Variants in PLXNB2 observed in about 807,000 individuals in gnomAD.
PLXNB2 encodes plexin-B2.
A neutral mutation model predicts 202.6 loss-of-function variants in PLXNB2; 85 were observed. The ratio of observed to expected loss-of-function variants is 0.42; its 90% CI spans 0.35 to 0.50. The LOEUF (loss-of-function observed/expected upper bound fraction) is 0.50, where lower values mean the gene tolerates loss of function less well. Among genes scored for constraint, PLXNB2 ranks in the 20% least tolerant of loss-of-function variants. The probability of loss-of-function intolerance (pLI) is 0.02; values close to 1 mark genes in which losing one functional copy is unlikely to be tolerated. For missense variants in PLXNB2, 2,063 were observed against 2,586.2 expected (o/e 0.80, Z 4.39); for synonymous variants, 1,239 against 1,137.6 (o/e 1.09, Z -1.79).
Position 50,279,989 on chromosome 22 carries a change from CT to C in PLXNB2, c.4242+15del, listed in dbSNP as rs769069772. On this transcript the variant is annotated intron_variant, in intron 26 of 36. Transcript: ENST00000359337. ...CCTCATCCCTCAAGCCCCAGCCAGG[CT>C]GGGGTGGAACCCACCTTGAGGTACT... 3.8e-6 allele frequency: 6 copies of C among 1,591,510 alleles called. No homozygotes were observed. The highest frequency in any genetic ancestry group is 5.1e-6 in the Non-Finnish European group (6 of 1,166,236).
chr22:50,289,626 T>C lies in PLXNB2; in HGVS notation c.959A>G (p.His320Arg). 1 of 1,610,170 alleles carries C rather than the reference T, an allele frequency of 6.2e-7. No homozygotes were observed. Among genetic ancestry groups the C allele is most frequent in the Middle Eastern group, 1.6e-4 (1 of 6,062 alleles). Residue 320 changes from histidine (H) to arginine (R), a missense_variant, in exon 3 of 37, where the codon CAC becomes CGC. Around this residue, in one of 2 missense-constraint regions of PLXNB2, gnomAD observed 1,303 missense variants for 1,476.8 expected, o/e 0.88. Transcript: ENST00000359337. The surrounding 1 kb of genome is among the most constrained non-coding windows in gnomAD (Gnocchi z 8.0). Reference protein sequence around the residue: ...GLCLFPLDKVHAKMEANRNAC... With the variant: ...GLCLFPLDKVRAKMEANRNAC... ...GTTGCGGTTGGCCTCCATCTTGGCG[T>C]GCACCTTGTCCAGCGGGAACAGGCA...
chr22:50,279,879 G>T, intron 26 of PLXNB2, 103 bp from the exon 27 acceptor site: 1 of 1,477,754 alleles, frequency 6.8e-7, no homozygotes, highest in Non-Finnish European at 9.3e-7. Context: ...ACCATGTCAG[G>T]GGCAGGAAGC....
In PLXNB2 at chr22:50,279,017, G is replaced by C; in HGVS notation, c.4390-6C>G. 4 of 1,599,288 alleles carry C rather than the reference G, an allele frequency of 2.5e-6. No homozygotes were observed. On this transcript the variant is annotated splice_region_variant and splice_polypyrimidine_tract_variant and intron_variant, in intron 27 of 36. Coordinates refer to ENST00000359337, the MANE Select transcript of PLXNB2 (RefSeq NM_012401.4). Reference sequence around the variant, plus strand: ...TGCACGATCACGCTCACCGTCTGCCGAGACATCCGGGATGAAGCCCAGTGG... The same window carrying C: ...TGCACGATCACGCTCACCGTCTGCCCAGACATCCGGGATGAAGCCCAGTGG...
At position 50,290,060 on chromosome 22, in the gene PLXNB2, C is replaced by T; in HGVS notation, c.525G>A (p.Gly175=). 6.2e-7 allele frequency: 1 copy of T among 1,613,400 alleles called. No homozygotes were observed. The highest frequency in any genetic ancestry group is 8.5e-7 in the Non-Finnish European group (1 of 1,180,030). Residue 175 remains glycine (G), a synonymous_variant, in exon 3 of 37, where the codon GGG becomes GGA. Coordinates refer to ENST00000359337, the MANE Select transcript of PLXNB2 (RefSeq NM_012401.4). ...TCACGATGATGCCGTTGTCGTGTGG[C>T]CCATTGCCTTTGCCCACAAACAGCA... The part of the protein sequence containing the change: ...DRVLFVGKGN[G]PHDNGIIVST...
intron 2 of PLXNB2, among the ~76,000 whole-genome samples, chr22:50,294,389 C>A (rs758161837): frequency 6.6e-6 from 1 of 152,088 alleles, no homozygotes; most frequent in African/African-American, 2.4e-5. Context: ...GGCACCCCCC[C>A]ACCACACCCC....
At chr22:50,287,892 G>A in intron 6 of PLXNB2, 45 bp downstream of exon 6, 1 of 1,583,670 alleles carries the variant, frequency 6.3e-7, no homozygotes, top group Non-Finnish European at 8.6e-7. Flanking sequence ...GACCTTCCGG[G>A]ATCCCAGAGG....
chr22:50,285,553 C>T (rs28655958), intron 11 of PLXNB2, among the ~76,000 whole-genome samples: 7 of 5,110 alleles, frequency 1.4e-3, no homozygotes, highest in Non-Finnish European at 3.2e-3. Flanking sequence ...CCTCCCTCCG[C>T]ACCTGAGCCT....
At position 50,285,863 on chromosome 22, in the gene PLXNB2, C is replaced by A; in HGVS notation, c.2025G>T (p.Leu675=). ...SCPQFLGPSP[L]VIPMNHETDV... is the part of the protein sequence containing the mutation. Reference sequence around the variant, plus strand: ...CTGTCTCGTGGTTCATGGGGATCACCAGGGGGCTGGGTCCCAGGAACTGGG... The same window carrying A: ...CTGTCTCGTGGTTCATGGGGATCACAAGGGGGCTGGGTCCCAGGAACTGGG... The change falls in exon 11 of 37, where the codon CTG becomes CTT. Residue 675 remains leucine, a synonymous_variant. Coordinates refer to ENST00000359337, the MANE Select transcript of PLXNB2 (RefSeq NM_012401.4). 6.2e-7 allele frequency: 1 copy of A among 1,612,960 alleles called. No individual in the cohort carries two copies. The highest frequency in any genetic ancestry group is 8.5e-7 in the Non-Finnish European group (1 of 1,179,874).
At chr22:50,276,527 C>T (rs993518314) in intron 35 of PLXNB2, 102 bp downstream of exon 35, 6 of 1,030,726 alleles carry the variant, frequency 5.8e-6, no homozygotes, top group Admixed American at 1.7e-5. Context: ...CCTCTCTCCC[C>T]CTCAGCACCA....
At chr22:50,302,506 G>A (rs1241320104) in intron 1 of PLXNB2, among the ~76,000 whole-genome samples, 1 of 152,034 alleles carries the variant, frequency 6.6e-6, no homozygotes, top group Non-Finnish European at 1.5e-5. Flanking sequence ...TGGGCCCCAG[G>A]TCTAGATGTG....
chr22:50,278,802 A>G, intron 28 of PLXNB2, 53 bp downstream of exon 28: 1 of 1,599,608 alleles, frequency 6.3e-7, no homozygotes, highest in Non-Finnish European at 8.5e-7. Context: ...GCCCCAGGAC[A>G]CAGGCCAGGC....
chr22:50,284,181 C>T lies in PLXNB2; in HGVS notation c.2214G>A (p.Leu738=), dbSNP rs769153618. ...LSHDANETLP[L]HLYVKSYGKN... is the part of the protein sequence containing the mutation. The stretch of plus-strand genomic sequence containing the variant: ...TGCCGTAAGACTTGACGTAGAGGTG[C>T]AGGGGCAGCGTCTCGTTGGCATCGT... Residue 738 remains leucine, a synonymous_variant, in exon 13 of 37, where the codon CTG becomes CTA. Coordinates refer to ENST00000359337, the MANE Select transcript of PLXNB2 (RefSeq NM_012401.4). The surrounding 1 kb of genome is among the most constrained non-coding windows in gnomAD (Gnocchi z 8.0). The T allele has an allele frequency of 8.7e-6, 14 of 1,610,348 alleles. No individual in the cohort carries two copies. In the African/African-American group the frequency reaches 1.9e-4, roughly 22 times the overall value.
At chr22:50,279,130 C>A in intron 27 of PLXNB2, 119 bp from the exon 28 acceptor site, 1 of 1,050,664 alleles carries the variant, frequency 9.5e-7, no homozygotes, top group South Asian at 1.7e-5. Context: ...GGCAGCAGGC[C>A]CCCGCCAGCC....
At chr22:50,296,465 G>A (rs988867845) in intron 1 of PLXNB2, among the ~76,000 whole-genome samples, 1 of 151,400 alleles carries the variant, frequency 6.6e-6, no homozygotes, top group Admixed American at 6.6e-5. Context: ...GCTGAGCCAG[G>A]CACGGTGGCT....
intron 24 of PLXNB2, 23 bp from the exon 25 acceptor site, chr22:50,280,693 C>A (rs370059925): frequency 6.2e-7 from 1 of 1,601,608 alleles, no homozygotes; most frequent in Non-Finnish European, 8.5e-7. Flanking sequence ...GCGGTCAAAG[C>A]CTGCCCGGCG....
At chr22:50,286,541 G>A (rs112205322) in intron 8 of PLXNB2, among the ~76,000 whole-genome samples, 25 of 152,320 alleles carry the variant, frequency 1.6e-4, no homozygotes, top group Middle Eastern at 3.4e-3. Flanking sequence ...GGTGTCGGGC[G>A]CAGCACCGGG....
chr22:50,284,816 A>T lies in PLXNB2; in HGVS notation c.2089-151T>A. The T allele has an allele frequency of 1.3e-6, 1 of 766,428 alleles. No homozygotes were observed. The highest frequency in any genetic ancestry group is 2.4e-6 in the Non-Finnish European group (1 of 413,748). The allele number at this position is 766,428 out of a possible 1,614,324, so 47.5% of individuals were successfully genotyped here. A position where few individuals can be genotyped will look rare whatever the true frequency, so the allele number is the denominator to read the frequency against. ...GCCCCTCAGATTACCATGCCAGCTG[A>T]CCCCTCGGCCACTCCTGAGCCCAAA... On this transcript the variant is annotated intron_variant, in intron 11 of 36. Coordinates refer to ENST00000359337, the MANE Select transcript of PLXNB2 (RefSeq NM_012401.4). This position sits in a 1 kb window ranked among gnomAD's most constrained non-coding sequence, Gnocchi z 8.0.
Position 50,275,376 on chromosome 22 carries a change from G to GGGCGGA in PLXNB2, c.*322_*327dup, listed in dbSNP as rs1569153256. On this transcript the variant is annotated 3_prime_UTR_variant, in exon 37 of 37. Transcript: ENST00000359337. ...GGCATGGAGGCGGCTGCTGGTGCGT[G>GGGCGGA]GGCGGAGGCGGAGGCCAGCTGCCCC... 2 of 478,988 alleles carry GGGCGGA rather than the reference G, an allele frequency of 4.2e-6. No individual in the cohort carries two copies. The highest frequency in any genetic ancestry group is 1.2e-4 in the East Asian group (2 of 16,368). 29.7% of individuals were successfully genotyped at this position (478,988 alleles called of 1,614,324 possible). A position where few individuals can be genotyped will look rare whatever the true frequency, so the allele number is the denominator to read the frequency against.
Position 50,303,645 on chromosome 22 carries a change from C to G in PLXNB2, c.-74+3908G>C, listed in dbSNP as rs148101839. ...CTCTTGCGCTTGCTGCGGGACTCAG[C>G]TGGGGCAGCATCAGGCCCAGAAATC... On this transcript the variant is annotated intron_variant, in intron 1 of 36. Coordinates refer to ENST00000359337, the MANE Select transcript of PLXNB2 (RefSeq NM_012401.4). 8.3e-4 allele frequency among the ~76,000 whole-genome samples: 126 copies of G among 152,384 alleles called. No individual in the cohort carries two copies. In the South Asian group the frequency reaches 8.9e-3, roughly 11 times the overall value.
Sources: gnomAD v4.1 joint callset for allele counts (sites outside exome capture counted in the v4.1 genomes callset) on GRCh38, gnomAD v4.1.1 for gene constraint, gnomAD v4.1.1 regional missense constraint, Gnocchi (gnomAD v3.1) non-coding constraint, MANE v1.5 for transcripts, NCBI Gene and HGNC (gene_info 2026-07-23, HGNC 2026-07-21) for gene names.